Variants in RAP1GAP2 observed in about 807,000 individuals in gnomAD.
The protein encoded by RAP1GAP2 is RAP1 GTPase activating protein 2.
RAP1GAP2 carries 27 observed loss-of-function variants against 95.0 expected under a neutral mutation model. The ratio of observed to expected loss-of-function variants is 0.28; its 90% CI spans 0.21 to 0.39. RAP1GAP2 has a LOEUF of 0.39. RAP1GAP2 is among the 10% of genes least tolerant of loss of function. The pLI, the probability that RAP1GAP2 is intolerant of heterozygous loss-of-function variation, is 1.00. For missense variants in RAP1GAP2, 771 were observed against 970.0 expected, an observed-to-expected ratio of 0.79 and a Z score of 2.72; for synonymous variants, 373 against 380.9, an observed-to-expected ratio of 0.98 and a Z score of 0.24.
chr17:2,921,715 A>ACGGGGCCGTTAAGGTGTCCG (rs1555569369), intron 3 of RAP1GAP2, among the ~76,000 whole-genome samples: 49,205 of 149,562 alleles, frequency 0.33, 8,181 homozygotes, highest in Admixed American at 0.41. Flanking sequence ...TTATGTGTCC[A>ACGGGGCCGTTAAGGTGTCCG]CAGGGCCGTT....
intron 13 of RAP1GAP2, among the ~76,000 whole-genome samples, chr17:2,995,981 G>T (rs1399394721): frequency 6.6e-6 from 1 of 152,114 alleles, no homozygotes; most frequent in Non-Finnish European, 1.5e-5. Context: ...ATGGTAGAGG[G>T]TGATTGTGGG....
chr17:3,023,619 T>A (rs559629750), intron 19 of RAP1GAP2, among the ~76,000 whole-genome samples: 165 of 152,334 alleles, frequency 1.1e-3, no homozygotes, highest in Admixed American at 1.6e-3. Context: ...TACAGGTTTT[T>A]AAAAATTTTT....
intron 2 of RAP1GAP2, among the ~76,000 whole-genome samples, chr17:2,850,279 C>T (rs1042041073): frequency 1.2e-4 from 18 of 151,020 alleles, no homozygotes; most frequent in Non-Finnish European, 1.6e-4. Flanking sequence ...GGATTACAGG[C>T]GTGAGCCACT....
chr17:2,957,697 G>A, intron 3 of RAP1GAP2, 62 bp from the exon 4 acceptor site: 1 of 1,535,290 alleles, frequency 6.5e-7, no homozygotes, highest in South Asian at 1.2e-5. Flanking sequence ...TGAGGAAGAG[G>A]CTTTTGCTGT....
chr17:2,913,437 C>T lies in RAP1GAP2; in HGVS notation c.165+8069C>T, dbSNP rs565164232. Among the ~76,000 whole-genome samples the T allele has an allele frequency of 1.1e-3, 163 of 152,130 alleles. 1 individual carries two copies. The highest frequency in any genetic ancestry group is 3.7e-3 in the African/African-American group (152 of 41,526). ...CCGAGTAGCTGGGATTACAGGCACA[C>T]GCCACCATGCCCAGCTAATTTTTGT... is the stretch of plus-strand genomic sequence containing the variant. On this transcript the variant is annotated intron_variant, in intron 3 of 24. Coordinates refer to ENST00000254695, the MANE Select transcript of RAP1GAP2 (RefSeq NM_015085.5).
Position 2,797,907 on chromosome 17 carries a change from TTTCTCTGGGAGGTGTGG to T in RAP1GAP2, c.44+1337_44+1353del. 3.8e-6 allele frequency: 2 copies of T among 520,866 alleles called. No individual in the cohort carries two copies. The highest frequency in any genetic ancestry group is 1.7e-4 in the South Asian group (2 of 11,976). 32.3% of individuals were successfully genotyped at this position (520,866 alleles called of 1,614,324 possible). On this transcript the variant is annotated intron_variant, in intron 1 of 24. Transcript: ENST00000254695. The surrounding 1 kb of genome is among the most constrained non-coding windows in gnomAD (Gnocchi z 5.6). ...TAGATTGTGCCCTCCAAGGCCCGCC[TTTCTCTGGGAGGTGTGG>T]AGCAGATGGAAGGCTGGTCGCCAGA... is the stretch of plus-strand genomic sequence containing the variant.
intron 20 of RAP1GAP2, 22 bp from the exon 21 acceptor site, chr17:3,026,328 C>A: frequency 6.5e-7 from 1 of 1,536,654 alleles, no homozygotes; most frequent in Non-Finnish European, 8.8e-7. Flanking sequence ...CCCGGGCTGG[C>A]CTCACTTCCT....
At chr17:2,846,975 C>T (rs1186922761) in intron 2 of RAP1GAP2, among the ~76,000 whole-genome samples, 2 of 152,130 alleles carry the variant, frequency 1.3e-5, no homozygotes, top group South Asian at 2.1e-4. Context: ...GGATTTGAGT[C>T]ACCACAAAAA....
Position 2,758,054 on chromosome 17 carries a change from A to G in RAP1GAP2, c.50+2287A>G, listed in dbSNP as rs371513194. Among the ~76,000 whole-genome samples the G allele has an allele frequency of 2.3e-3, 338 of 148,148 alleles. 1 individual carries two copies. The highest frequency in any genetic ancestry group is 7.8e-3 in the African/African-American group (311 of 39,960). ...CAGGCTAATTTTTTGTATTTTTAGT[A>G]GAGACGGGGTTTCACCATGTTAGCC... On this transcript the variant is annotated intron_variant, in intron 1 of 25. Coordinates refer to the RAP1GAP2 transcript ENST00000637138.
chr17:2,799,302 G>T (rs1405048237), intron 1 of RAP1GAP2, among the ~76,000 whole-genome samples: 1 of 152,192 alleles, frequency 6.6e-6, no homozygotes, highest in East Asian at 1.9e-4. Flanking sequence ...TCAAGAGGAC[G>T]TGTGAGGAAG....
intron 2 of RAP1GAP2, among the ~76,000 whole-genome samples, chr17:2,860,089 G>C (rs901140987): frequency 6.6e-6 from 1 of 152,138 alleles, no homozygotes. Context: ...GAGCTGGCTG[G>C]ACATGAGGAC....
intron 2 of RAP1GAP2, among the ~76,000 whole-genome samples, chr17:2,837,592 G>A (rs923801954): frequency 1.3e-5 from 2 of 148,370 alleles, no homozygotes; most frequent in Non-Finnish European, 3.0e-5. Context: ...CTGTGTCAGG[G>A]TGTCAGCCCT....
intron 2 of RAP1GAP2, among the ~76,000 whole-genome samples, chr17:2,771,483 T>TTTGTTTTTTTTTG (rs1190396041): frequency 6.2e-5 from 9 of 144,718 alleles, no homozygotes; most frequent in Non-Finnish European, 1.3e-4. Flanking sequence ...AAGCCACTTT[T>TTTGTTTTTTTTTG]TTGTTTTTTT....
chr17:3,004,757 G>A lies in RAP1GAP2; in HGVS notation c.1201-612G>A, dbSNP rs1374199273. 2.0e-5 allele frequency among the ~76,000 whole-genome samples: 3 copies of A among 152,244 alleles called. No homozygotes were observed. The highest frequency in any genetic ancestry group is 2.1e-4 in the South Asian group (1 of 4,836). On this transcript the variant is annotated intron_variant, in intron 14 of 24. Transcript: ENST00000254695. The surrounding 1 kb of genome is among the most constrained non-coding windows in gnomAD (Gnocchi z 4.1). ...GTCCACCGGCTGCACGAGAGTTTCC[G>A]GGGGGCCCTACCCTTCCGATTCGGC...
chr17:2,948,012 CTGTTGA>C, intron 3 of RAP1GAP2, among the ~76,000 whole-genome samples: 1 of 152,278 alleles, frequency 6.6e-6, no homozygotes, highest in African/African-American at 2.4e-5. Context: ...TTTTAGTTTG[CTGTTGA>C]TGTAGCCTTG....
At chr17:2,962,596 G>A (rs2044386218) in intron 4 of RAP1GAP2, 74 bp from the exon 5 acceptor site, 1 of 1,457,316 alleles carries the variant, frequency 6.9e-7, no homozygotes, top group East Asian at 2.5e-5. Flanking sequence ...CCCCTGTAAG[G>A]CCAGGTGCTC....
At chr17:2,845,389 TGCCTTG>T (rs1194531894) in intron 2 of RAP1GAP2, among the ~76,000 whole-genome samples, 1 of 151,242 alleles carries the variant, frequency 6.6e-6, no homozygotes, top group East Asian at 2.0e-4. Context: ...GTGATCCACC[TGCCTTG>T]GCCTCCCAAA....
intron 17 of RAP1GAP2, among the ~76,000 whole-genome samples, chr17:3,011,056 A>G (rs1267115387): frequency 6.6e-6 from 1 of 151,960 alleles, no homozygotes; most frequent in East Asian, 1.9e-4. Context: ...CCTCCTGAGT[A>G]GCTAGAATTA....
At chr17:2,945,190 A>G (rs1014285193) in intron 3 of RAP1GAP2, among the ~76,000 whole-genome samples, 1 of 152,198 alleles carries the variant, frequency 6.6e-6, no homozygotes, top group Non-Finnish European at 1.5e-5. Flanking sequence ...CTATTTTAAA[A>G]TGGAATTGTT....
Sources: allele counts gnomAD v4.1 joint callset (sites outside exome capture counted in the v4.1 genomes callset), GRCh38; gene constraint gnomAD v4.1.1; non-coding constraint Gnocchi (gnomAD v3.1); transcripts MANE v1.5; gene names NCBI Gene and HGNC (gene_info 2026-07-23, HGNC 2026-07-21).